The following CACNB4 variants were observed in gnomAD, a reference collection of about 807,000 sequenced individuals.
CACNB4 encodes voltage-dependent L-type calcium channel subunit beta-4.
A neutral mutation model predicts 71.2 loss-of-function variants in CACNB4; 32 were observed. The ratio of observed to expected loss-of-function variants is 0.45; its 90% confidence interval spans 0.34 to 0.60. The LOEUF is 0.60. Ranked by LOEUF, CACNB4 falls within the 20% of genes least tolerant of loss-of-function variation. The pLI is 0.01. For synonymous variants in CACNB4, 231 were observed against 236.9 expected, an observed-to-expected ratio of 0.97 and a Z score of 0.23; for missense variants, 464 against 647.9, an observed-to-expected ratio of 0.72 and a Z score of 3.08.
intron 2 of CACNB4, among the ~76,000 whole-genome samples, chr2:151,922,299 C>T (rs769375474): frequency 6.6e-6 from 1 of 152,172 alleles, no homozygotes; most frequent in Non-Finnish European, 1.5e-5. Flanking sequence ...TCCTCCTGGG[C>T]TCAAGGGATC....
chr2:151,858,461 A>G (rs2099840826), intron 10 of CACNB4: 1 of 152,214 alleles, frequency 6.6e-6, no homozygotes, highest in South Asian at 2.1e-4. Flanking sequence ...GAATACTATA[A>G]TAGCTTCTCT....
chr2:152,083,912 C>T (rs771040369), intron 2 of CACNB4, among the ~76,000 whole-genome samples: 4 of 152,346 alleles, frequency 2.6e-5, no homozygotes, highest in Non-Finnish European at 4.4e-5. Context: ...ACTTTGAAAA[C>T]GCTTCAGGCC....
At chr2:152,094,411 G>A (rs2105482358) in intron 2 of CACNB4, among the ~76,000 whole-genome samples, 1 of 152,336 alleles carries the variant, frequency 6.6e-6, no homozygotes, top group South Asian at 2.1e-4. Context: ...GCCAGGCCAG[G>A]TATGACTTTG....
chr2:151,957,907 A>G (rs1233646748), intron 2 of CACNB4, among the ~76,000 whole-genome samples: 1 of 152,218 alleles, frequency 6.6e-6, no homozygotes, highest in Non-Finnish European at 1.5e-5. Context: ...CAAGTACTTA[A>G]TAGGTATTCT....
intron 2 of CACNB4, among the ~76,000 whole-genome samples, chr2:151,941,195 T>C (rs2099864138): frequency 6.6e-6 from 1 of 152,174 alleles, no homozygotes; most frequent in Non-Finnish European, 1.5e-5. Context: ...AATGCCTATT[T>C]GAGCATCTTC....
intron 12 of CACNB4, among the ~76,000 whole-genome samples, chr2:151,845,272 C>T (rs2099837266): frequency 6.6e-6 from 1 of 152,176 alleles, no homozygotes; most frequent in South Asian, 2.1e-4. Context: ...AAGACAGATA[C>T]AGGTTGGAAG....
intron 2 of CACNB4, among the ~76,000 whole-genome samples, chr2:152,011,465 T>C (rs1338084076): frequency 1.3e-5 from 2 of 152,198 alleles, no homozygotes; most frequent in African/African-American, 2.4e-5. Flanking sequence ...ACTATGTTGC[T>C]AAACACAGAA....
Position 151,838,901 on chromosome 2 carries a change from G to A in CACNB4, c.*218C>T, listed in dbSNP as rs2099835479. The A allele has an allele frequency of 4.5e-6, 2 of 445,426 alleles. No homozygotes were observed. Among genetic ancestry groups the A allele is most frequent in the Non-Finnish European group, 8.0e-6 (2 of 249,740 alleles). The allele number at this position is 445,426 out of a possible 1,614,324, so 27.6% of individuals were successfully genotyped here. A position where few individuals can be genotyped will look rare whatever the true frequency, so the allele number is the denominator to read the frequency against. ...CAAAATGTACTGTTATCATGTAAAT[G>A]TTGCACTTAAAAATATCTATATGAT... On this transcript the variant is annotated 3_prime_UTR_variant, in exon 14 of 14. Coordinates refer to ENST00000539935, the MANE Select transcript of CACNB4 (RefSeq NM_000726.5).
chr2:151,870,269 CTT>C (rs1488952348), intron 8 of CACNB4: 1 of 702,912 alleles, frequency 1.4e-6, no homozygotes, highest in East Asian at 2.7e-5. Context: ...TACAGCAAAT[CTT>C]TGACCAGATC....
At chr2:152,021,974 G>A (rs560159598) in intron 2 of CACNB4, among the ~76,000 whole-genome samples, 14 of 152,204 alleles carry the variant, frequency 9.2e-5, no homozygotes, top group South Asian at 2.1e-4. Flanking sequence ...AAGTATAAGC[G>A]TCTAATCTTT....
Position 151,853,543 on chromosome 2 carries a change from C to T in CACNB4, c.1021G>A (p.Val341Ile). 6.4e-7 allele frequency: 1 copy of T among 1,559,996 alleles called. No homozygotes were observed. The highest frequency in any genetic ancestry group is 8.7e-7 in the Non-Finnish European group (1 of 1,144,222). Residue 341 changes from valine to isoleucine, a missense_variant and splice_region_variant, in exon 12 of 14, where the codon GTT becomes ATT. By Grantham distance (29) the Val-to-Ile change is conservative (BLOSUM62 3). Coordinates refer to ENST00000539935, the MANE Select transcript of CACNB4 (RefSeq NM_000726.5). The stretch of plus-strand genomic sequence containing the variant: ...CTAGATTTAATCAACCGCTGTAAAA[C>T]CTGATAGAAGAAGACATGAACCTGA... ...IVHVKVSSPK[V>I]LQRLIKSRGK...
intron 10 of CACNB4, among the ~76,000 whole-genome samples, chr2:151,855,747 G>A (rs980405192): frequency 3.3e-5 from 5 of 152,110 alleles, no homozygotes; most frequent in African/African-American, 1.2e-4. Flanking sequence ...AAATATATGT[G>A]CAAAGCAACA....
chr2:152,013,752 G>T (rs545293032), intron 2 of CACNB4, among the ~76,000 whole-genome samples: 1 of 152,302 alleles, frequency 6.6e-6, no homozygotes, highest in Admixed American at 6.5e-5. Flanking sequence ...CAAAGCCCTG[G>T]TAACTCTGGT....
At chr2:151,851,231 C>T (rs1006438593) in intron 12 of CACNB4, 1 of 152,138 alleles carries the variant, frequency 6.6e-6, no homozygotes. Context: ...TTTTATAATC[C>T]AAAGATTTCT....
intron 2 of CACNB4, among the ~76,000 whole-genome samples, chr2:152,080,047 T>A (rs1687270203): frequency 6.6e-6 from 1 of 152,206 alleles, no homozygotes; most frequent in African/African-American, 2.4e-5. Flanking sequence ...TGATGAGAAG[T>A]ATAATCTATA....
chr2:152,003,535 C>A (rs1293187334), intron 2 of CACNB4, among the ~76,000 whole-genome samples: 2 of 152,068 alleles, frequency 1.3e-5, no homozygotes, highest in East Asian at 3.9e-4. Flanking sequence ...TATATTTTGA[C>A]CTCCTCTCCA....
intron 2 of CACNB4, among the ~76,000 whole-genome samples, chr2:152,050,920 GCACGT>G (rs991886075): frequency 6.6e-6 from 1 of 151,960 alleles, no homozygotes; most frequent in African/African-American, 2.4e-5. Flanking sequence ...GACTACAGGT[GCACGT>G]CACCACATCC....
intron 2 of CACNB4, among the ~76,000 whole-genome samples, chr2:152,058,697 T>C (rs1685850564): frequency 6.6e-6 from 1 of 152,242 alleles, no homozygotes. Context: ...AAACCCATTT[T>C]CTGGGGAGAA....
chr2:151,916,892 AC>A (rs2151555992), intron 2 of CACNB4, among the ~76,000 whole-genome samples: 1 of 152,268 alleles, frequency 6.6e-6, no homozygotes, highest in African/African-American at 2.4e-5. Flanking sequence ...GGTACGAAAC[AC>A]CCTGCAATGC....
Sources: allele counts gnomAD v4.1 joint callset (sites outside exome capture counted in the v4.1 genomes callset), GRCh38; gene constraint gnomAD v4.1.1; transcripts MANE v1.5; gene names NCBI Gene and HGNC (gene_info 2026-07-23, HGNC 2026-07-21).